Variants in PHC2 observed in about 807,000 individuals in gnomAD.
PHC2 encodes the protein polyhomeotic-like protein 2.
PHC2 carries 29 observed loss-of-function variants against 87.4 expected under a neutral mutation model. The observed-to-expected ratio is 0.33, with a 90% CI of 0.25 to 0.45. The LOEUF (loss-of-function observed/expected upper bound fraction) is 0.45, where lower values mean the gene tolerates loss of function less well. Among genes scored for constraint, PHC2 ranks in the 20% least tolerant of loss-of-function variants. The pLI is 1.00. For missense variants in PHC2, 857 were observed against 1,136.7 expected, an observed-to-expected ratio of 0.75 and a Z score of 3.54; for synonymous variants, 438 against 461.7, an observed-to-expected ratio of 0.95 and a Z score of 0.66.
intron 9 of PHC2, among the ~76,000 whole-genome samples, chr1:33,342,758 G>C (rs1475248412): frequency 6.6e-6 from 1 of 152,228 alleles, no homozygotes. Flanking sequence ...CCCTGGTGAT[G>C]GAGGCCAGTC....
rs145945521 is a variant in PHC2 at position 33,364,919 on chromosome 1, A to C, written c.976+2197T>G. On this transcript the variant is annotated intron_variant, in intron 7 of 14. Transcript: ENST00000683057. This position sits in a 1 kb window ranked among gnomAD's most constrained non-coding sequence, Gnocchi z 4.1. ...GTCACCTGCTGGTGTTTACCTTTACATGGGGTCTCCACCAGACTCTGCAAA... is the reference window on the plus strand; with the variant it reads ...GTCACCTGCTGGTGTTTACCTTTACCTGGGGTCTCCACCAGACTCTGCAAA... Among the ~76,000 whole-genome samples the C allele has an allele frequency of 8.5e-5, 13 of 152,216 alleles. No individual in the cohort carries two copies. The East Asian group carries it at 2.5e-3, about 29-fold the overall frequency.
At chr1:33,394,683 C>T (rs1302126661) in intron 1 of PHC2, among the ~76,000 whole-genome samples, 1 of 152,210 alleles carries the variant, frequency 6.6e-6, no homozygotes, top group Admixed American at 6.5e-5. Context: ...TCAAGTGATT[C>T]TCTTGCCTCA....
intron 14 of PHC2, chr1:33,326,029 A>G (rs1007219459): frequency 2.2e-5 from 8 of 365,290 alleles, no homozygotes; most frequent in Non-Finnish European, 4.4e-5. Flanking sequence ...GAAATAAAAG[A>G]ACATTTTGTA....
chr1:33,421,317 A>G (rs1333188861), intron 1 of PHC2, among the ~76,000 whole-genome samples: 2 of 152,218 alleles, frequency 1.3e-5, no homozygotes, highest in African/African-American at 2.4e-5. Context: ...AAGGACAGGA[A>G]GTAGGGCAAA....
chr1:33,420,093 C>A (rs1239149242), intron 1 of PHC2, among the ~76,000 whole-genome samples: 2 of 152,168 alleles, frequency 1.3e-5, no homozygotes, highest in African/African-American at 4.8e-5. Flanking sequence ...TACTATTTAT[C>A]ACTAGGGAAG....
rs770701950 is a variant in PHC2, at chr1:33,368,971, C to G, written c.577-349G>C. On this transcript the variant is annotated intron_variant, in intron 5 of 14. Coordinates refer to ENST00000683057, the MANE Select transcript of PHC2 (RefSeq NM_001385109.1). This position sits in a 1 kb window ranked among gnomAD's most constrained non-coding sequence, Gnocchi z 6.6. Reference sequence around the variant, plus strand: ...CTCATCCTAGAGGAGACCGATATCCCCAGGATACGCTGAAGCCACCACCTC... The same window carrying G: ...CTCATCCTAGAGGAGACCGATATCCGCAGGATACGCTGAAGCCACCACCTC... Among the ~76,000 whole-genome samples the G allele has an allele frequency of 6.6e-6, 1 of 152,088 alleles. No homozygotes were observed. The highest frequency in any genetic ancestry group is 2.4e-5 in the African/African-American group (1 of 41,404).
rs1013679183 is a variant in PHC2, at chr1:33,331,760, C to G, written c.1892-298G>C. 1 of 338,022 alleles carries G rather than the reference C, an allele frequency of 3.0e-6. No homozygotes were observed. Among genetic ancestry groups the G allele is most frequent in the Non-Finnish European group, 5.4e-6 (1 of 184,754 alleles). 20.9% of individuals were successfully genotyped at this position (338,022 alleles called of 1,614,324 possible). ...AAATGACTGTGGAAGAAAGCAGGAG[C>G]CCCCAGGAAATACTCTGGATGCTGT... On this transcript the variant is annotated intron_variant, in intron 11 of 14. Coordinates refer to ENST00000683057, the MANE Select transcript of PHC2 (RefSeq NM_001385109.1). This position sits in a 1 kb window ranked among gnomAD's most constrained non-coding sequence, Gnocchi z 5.2.
intron 9 of PHC2, among the ~76,000 whole-genome samples, chr1:33,337,060 TACTA>T (rs1360851551): frequency 2.0e-5 from 3 of 152,274 alleles, no homozygotes; most frequent in Non-Finnish European, 4.4e-5. Flanking sequence ...TAAAATGAAT[TACTA>T]ACATAGATTA....
chr1:33,398,053 C>G (rs1321043099), intron 1 of PHC2, among the ~76,000 whole-genome samples: 1 of 151,830 alleles, frequency 6.6e-6, no homozygotes, highest in Non-Finnish European at 1.5e-5. Flanking sequence ...AAAACAAGAC[C>G]CCATCTGGCT....
chr1:33,324,728 C>T lies in PHC2; in HGVS notation c.*137G>A, dbSNP rs1646333455. 3 of 882,984 alleles carry T rather than the reference C, an allele frequency of 3.4e-6. No homozygotes were observed. Among genetic ancestry groups the T allele is most frequent in the Admixed American group, 3.0e-5 (1 of 33,744 alleles). 54.7% of individuals were successfully genotyped at this position (882,984 alleles called of 1,614,324 possible). A position where few individuals can be genotyped will look rare whatever the true frequency, so the allele number is the denominator to read the frequency against. ...GAGAGCCATGGAGGAGGTGCCCAGA[C>T]CTCCTCACCAGCTATGCCCCTAGGG... On this transcript the variant is annotated 3_prime_UTR_variant, in exon 15 of 15. Coordinates refer to ENST00000683057, the MANE Select transcript of PHC2 (RefSeq NM_001385109.1).
rs750198753 is a variant in PHC2 at position 33,332,465 on chromosome 1, A to C, written c.1762-61T>G. ...GGTGGGAGCGGCTTCCTTGCTATCC[A>C]TCCTCATCACAATTACACGTATAAA... On this transcript the variant is annotated intron_variant, in intron 10 of 14. Transcript: ENST00000683057. The surrounding 1 kb of genome is among the most constrained non-coding windows in gnomAD (Gnocchi z 4.2). 3.1e-6 allele frequency: 5 copies of C among 1,597,286 alleles called. No individual in the cohort carries two copies. The East Asian group carries it at 8.9e-5, about 29-fold the overall frequency.
intron 7 of PHC2, among the ~76,000 whole-genome samples, chr1:33,356,271 A>ATGTATATATATATATATATATATATACG (rs60212622): frequency 1.1e-5 from 1 of 87,072 alleles, no homozygotes; most frequent in Non-Finnish European, 2.3e-5. Context: ...ATATATATAT[A>ATGTATATATATATATATATATATATACG]TATATGTATA....
At chr1:33,359,727 A>T (rs186893625) in intron 7 of PHC2, among the ~76,000 whole-genome samples, 127 of 152,316 alleles carry the variant, frequency 8.3e-4, no homozygotes, top group Middle Eastern at 3.4e-3. Flanking sequence ...TTGGAAGGAG[A>T]GCAGAGAAGG....
At position 33,334,754 on chromosome 1, in the gene PHC2, T is replaced by C. The variant is rs1366775962; in HGVS notation, c.1559-462A>G. 6.6e-6 allele frequency among the ~76,000 whole-genome samples: 1 copy of C among 152,192 alleles called. No homozygotes were observed. The highest frequency in any genetic ancestry group is 1.5e-5 in the Non-Finnish European group (1 of 68,030). ...TGATAAAGAGAAGCTTCTACGAGGTTCCTTAGAGGAGGGATTTTAAGAGCC... is the reference window on the plus strand; with the variant it reads ...TGATAAAGAGAAGCTTCTACGAGGTCCCTTAGAGGAGGGATTTTAAGAGCC... On this transcript the variant is annotated intron_variant, in intron 9 of 14. Coordinates refer to ENST00000683057, the MANE Select transcript of PHC2 (RefSeq NM_001385109.1). The surrounding 1 kb of genome is among the most constrained non-coding windows in gnomAD (Gnocchi z 5.5).
chr1:33,374,438 T>C (rs1164847153), intron 2 of PHC2, among the ~76,000 whole-genome samples: 3 of 152,166 alleles, frequency 2.0e-5, no homozygotes, highest in Non-Finnish European at 4.4e-5. Flanking sequence ...AAACATGGAT[T>C]CACTAAGCAC....
chr1:33,361,350 G>GT (rs1366588239), intron 7 of PHC2, among the ~76,000 whole-genome samples: 1 of 151,922 alleles, frequency 6.6e-6, no homozygotes, highest in Non-Finnish European at 1.5e-5. Context: ...TTTGTTTTTT[G>GT]TTTTTTTGAG....
rs889258704 is a variant in PHC2, at chr1:33,364,961, A to AC, written c.976+2154dup. The stretch of plus-strand genomic sequence containing the variant: ...CTCTGCAAACCCTCAATAGGCTTAG[A>AC]CCCCCCAGATACTTTCAGCTTTGGG... On this transcript the variant is annotated intron_variant, in intron 7 of 14. Coordinates refer to ENST00000683057, the MANE Select transcript of PHC2 (RefSeq NM_001385109.1). The surrounding 1 kb of genome is among the most constrained non-coding windows in gnomAD (Gnocchi z 4.1). 2.6e-5 allele frequency among the ~76,000 whole-genome samples: 4 copies of AC among 151,798 alleles called. No individual in the cohort carries two copies. Among genetic ancestry groups the AC allele is most frequent in the African/African-American group, 4.8e-5 (2 of 41,268 alleles).
chr1:33,416,407 A>G (rs1650205273), intron 1 of PHC2, among the ~76,000 whole-genome samples: 1 of 147,372 alleles, frequency 6.8e-6, no homozygotes, highest in Non-Finnish European at 1.5e-5. Context: ...CTCTACTAAA[A>G]ATACAAAAAA....
chr1:33,354,972 T>G lies in PHC2; in HGVS notation c.1258A>C (p.Ser420Arg), dbSNP rs1477782782. 2 of 1,614,072 alleles carry G rather than the reference T, an allele frequency of 1.2e-6. No individual in the cohort carries two copies. Among genetic ancestry groups the G allele is most frequent in the Non-Finnish European group, 1.7e-6 (2 of 1,180,048 alleles). Residue 420 changes from serine to arginine, a missense_variant, in exon 8 of 15, where the codon AGT (serine) becomes CGT (arginine). By Grantham distance (110) the Ser-to-Arg change is moderately radical. This residue lies in a region of PHC2 where 832 missense variants were observed against 1,081.8 expected (regional missense o/e 0.77). Transcript: ENST00000683057. ...GGTGTGGGAGGGTGACACTGCTGAC[T>G]GCCGCCAGGCTTGTGCAGGTTGGCA... is the stretch of plus-strand genomic sequence containing the variant. The part of the protein sequence containing the change: ...PTANLHKPGG[S>R]QQCHPPTPDT...
Sources: gnomAD v4.1 joint callset for allele counts (sites outside exome capture counted in the v4.1 genomes callset) on GRCh38, gnomAD v4.1.1 for gene constraint, gnomAD v4.1.1 regional missense constraint, Gnocchi (gnomAD v3.1) non-coding constraint, MANE v1.5 for transcripts, NCBI Gene and HGNC (gene_info 2026-07-23, HGNC 2026-07-21) for gene names.